Variants in MDM2 observed in about 807,000 individuals in gnomAD.
The protein encoded by MDM2 is E3 ubiquitin-protein ligase Mdm2.
In MDM2, 11 loss-of-function variants were observed where a neutral mutation model predicts 64.3. That is an observed-to-expected ratio of 0.17 (90% CI 0.11 to 0.28). MDM2 has a LOEUF of 0.28. Among genes scored for constraint, MDM2 ranks in the 10% least tolerant of loss-of-function variants. The pLI, the probability that MDM2 is intolerant of heterozygous loss-of-function variation, is 1.00. For missense variants in MDM2, 388 were observed against 577.1 expected, an observed-to-expected ratio of 0.67 and a Z score of 3.36; for synonymous variants, 194 against 192.9, an observed-to-expected ratio of 1.01 and a Z score of -0.05.
intron 7 of MDM2, among the ~76,000 whole-genome samples, chr12:68,827,441 A>G (rs1317365774): frequency 3.9e-5 from 6 of 152,138 alleles, no homozygotes; most frequent in Non-Finnish European, 7.4e-5. Context: ...AGGACTTTGT[A>G]TAATATGTAT....
chr12:68,817,783 C>T (rs1703919448), intron 4 of MDM2, among the ~76,000 whole-genome samples: 1 of 151,778 alleles, frequency 6.6e-6, no homozygotes, highest in Admixed American at 6.6e-5. Context: ...ATATATTTTT[C>T]TAAAATTATT....
chr12:68,810,251 G>A (rs60844998), intron 2 of MDM2, among the ~76,000 whole-genome samples: 6 of 151,574 alleles, frequency 4.0e-5, no homozygotes, highest in Non-Finnish European at 7.4e-5. Flanking sequence ...CAGAGGTTGC[G>A]GTGAGCCAAG....
rs757006444 is a variant in MDM2, at chr12:68,839,279, T to C, written c.924T>C (p.Tyr308=). Residue 308 remains tyrosine, a synonymous_variant, in exon 11 of 11, where the codon TAT becomes TAC. Transcript: ENST00000258149. ...EEDPEISLAD[Y]WKCTSCNEMN... is the part of the protein sequence containing the mutation. ...TGTGTCTTATTTCATTGAAGGACTA[T>C]TGGAAATGCACTTCATGCAATGAAA... The C allele has an allele frequency of 5.6e-6, 9 of 1,611,446 alleles. No homozygotes were observed. Among genetic ancestry groups the C allele is most frequent in the Non-Finnish European group, 5.9e-6 (7 of 1,178,676 alleles).
chr12:68,811,289 CT>C (rs1880867684), intron 2 of MDM2, among the ~76,000 whole-genome samples: 1 of 152,048 alleles, frequency 6.6e-6, no homozygotes, highest in African/African-American at 2.4e-5. Flanking sequence ...GTATATTTAA[CT>C]TTTGTTGTTT....
At chr12:68,831,805 T>C (rs1373950676) in intron 8 of MDM2, among the ~76,000 whole-genome samples, 2 of 152,174 alleles carry the variant, frequency 1.3e-5, no homozygotes, top group Non-Finnish European at 2.9e-5. Flanking sequence ...TGGTGGCTCA[T>C]GCCTGTAATC....
intron 2 of MDM2, 114 bp from the exon 3 acceptor site, chr12:68,813,440 T>G: frequency 1.5e-6 from 1 of 662,884 alleles, no homozygotes; most frequent in South Asian, 2.0e-5. Flanking sequence ...GATTAGATCC[T>G]CCCCAGCATT....
rs927280345 is a variant in MDM2, at chr12:68,826,517, C to T, written c.523+1866C>T. Among the ~76,000 whole-genome samples the T allele has an allele frequency of 2.0e-5, 3 of 151,708 alleles. No homozygotes were observed. In the East Asian group the frequency reaches 5.8e-4, roughly 30 times the overall value. On this transcript the variant is annotated intron_variant, in intron 7 of 10. Coordinates refer to ENST00000258149, the MANE Select transcript of MDM2 (RefSeq NM_002392.6). ...TACAAAAATTAGCCAGGTGTGGTGG[C>T]AGGCGCCTGTAATCCCAGCTACTTG...
chr12:68,811,802 A>G (rs1036117392), intron 2 of MDM2, among the ~76,000 whole-genome samples: 3 of 151,994 alleles, frequency 2.0e-5, no homozygotes, highest in African/African-American at 7.3e-5. Flanking sequence ...GGGTTTCACC[A>G]TGTTGTCCAG....
chr12:68,809,905 ATTAT>A (rs1023249824), intron 2 of MDM2, among the ~76,000 whole-genome samples: 14 of 152,338 alleles, frequency 9.2e-5, no homozygotes, highest in African/African-American at 2.2e-4. Flanking sequence ...CATTTTAAAA[ATTAT>A]TTATGCCTTT....
At chr12:68,833,265 TTATATATTTATATAAATATAAATA>T (rs1275566750) in intron 8 of MDM2, among the ~76,000 whole-genome samples, 29 of 52,486 alleles carry the variant, frequency 5.5e-4, no homozygotes, top group South Asian at 1.2e-3. Flanking sequence ...ATTTATATAA[TTATATATTTATATAAATATAAATA>T]TATATATTTA....
rs372273677 is a variant in MDM2 at position 68,808,388 on chromosome 12, C to G, written c.-90C>G. On this transcript the variant is annotated 5_prime_UTR_variant, in exon 1 of 11. Coordinates refer to ENST00000258149, the MANE Select transcript of MDM2 (RefSeq NM_002392.6). ...CCTGGCCCGGAGAGTGGAATGATCCCCGAGGCCCAGGGCGTCGTGCTTCCG... is the reference window on the plus strand; with the variant it reads ...CCTGGCCCGGAGAGTGGAATGATCCGCGAGGCCCAGGGCGTCGTGCTTCCG... The G allele has an allele frequency of 2.0e-5, 31 of 1,572,610 alleles. No homozygotes were observed. The South Asian group carries it at 3.3e-4, about 17-fold the overall frequency.
At chr12:68,824,772 C>CT (rs1219002426) in intron 7 of MDM2, 121 bp downstream of exon 7, 4 of 655,678 alleles carry the variant, frequency 6.1e-6, no homozygotes, top group Middle Eastern at 4.3e-4. Flanking sequence ...GAATTAACCT[C>CT]TGAGTTTTTT....
chr12:68,831,770 A>G (rs1043465202), intron 8 of MDM2, among the ~76,000 whole-genome samples: 17 of 151,768 alleles, frequency 1.1e-4, no homozygotes, highest in African/African-American at 4.1e-4. Flanking sequence ...AAAAAATCCT[A>G]TCTATAAAAA....
chr12:68,818,985 G>C (rs1881626612), intron 4 of MDM2, among the ~76,000 whole-genome samples: 1 of 152,122 alleles, frequency 6.6e-6, no homozygotes, highest in Non-Finnish European at 1.5e-5. Context: ...GCCTGTCTTG[G>C]CCTCCCAAAG....
chr12:68,810,319 A>AG (rs1268904727), intron 2 of MDM2, among the ~76,000 whole-genome samples: 8 of 151,914 alleles, frequency 5.3e-5, no homozygotes, highest in Non-Finnish European at 1.0e-4. Flanking sequence ...TAAAAAAAAA[A>AG]AAAAGAAAAG....
At position 68,843,094 on chromosome 12, in the gene MDM2, T is replaced by G. The variant is rs996717697; in HGVS notation, c.*3245T>G. 54 of 154,850 alleles carry G rather than the reference T, an allele frequency of 3.5e-4. No homozygotes were observed. The highest frequency in any genetic ancestry group is 6.0e-4 in the Non-Finnish European group (44 of 73,222). 9.6% of individuals were successfully genotyped at this position (154,850 alleles called of 1,614,324 possible). The stretch of plus-strand genomic sequence containing the variant: ...TGCCTTTTGCAATTTGTTGTGTGGG[T>G]TTTTTTTTTTTTAAAGCCACACAAT... On this transcript the variant is annotated 3_prime_UTR_variant, in exon 11 of 11. Coordinates refer to ENST00000258149, the MANE Select transcript of MDM2 (RefSeq NM_002392.6).
In MDM2 at chr12:68,843,698, ACTCTCT is replaced by A. The variant is rs112584632; in HGVS notation, c.*3862_*3867del. 0.071 allele frequency: 15,231 copies of A among 215,520 alleles called. 2,251 individuals are homozygous for A. The highest frequency in any genetic ancestry group is 0.32 in the African/African-American group (13,955 of 43,872). 13.4% of individuals were successfully genotyped at this position (215,520 alleles called of 1,614,324 possible). On this transcript the variant is annotated 3_prime_UTR_variant, in exon 11 of 11. Coordinates refer to ENST00000258149, the MANE Select transcript of MDM2 (RefSeq NM_002392.6). ...ACTAATGGTACATTGTTGCTTCAAA[ACTCTCT>A]CTCTCTCTCTCTGTCTGTCTCAATA...
chr12:68,816,098 A>G (rs1881344204), intron 3 of MDM2, among the ~76,000 whole-genome samples: 1 of 152,046 alleles, frequency 6.6e-6, no homozygotes, highest in African/African-American at 2.4e-5. Context: ...CTCAGAGGCT[A>G]TTGAGGTTTA....
intron 10 of MDM2, among the ~76,000 whole-genome samples, chr12:68,838,446 A>G (rs1293017268): frequency 1.3e-5 from 2 of 152,240 alleles, no homozygotes; most frequent in Non-Finnish European, 2.9e-5. Context: ...AGACAGGTAA[A>G]GGAAAGGATA....
Sources: gnomAD v4.1 joint callset for allele counts (sites outside exome capture counted in the v4.1 genomes callset) on GRCh38, gnomAD v4.1.1 for gene constraint, MANE v1.5 for transcripts, NCBI Gene and HGNC (gene_info 2026-07-23, HGNC 2026-07-21) for gene names.